Variants in CAMKK2 observed in about 807,000 individuals in gnomAD.
CAMKK2 encodes the protein calcium/calmodulin dependent protein kinase kinase 2.
In CAMKK2, 30 loss-of-function variants were observed where a neutral mutation model predicts 67.2. The ratio of observed to expected loss-of-function variants is 0.45; its 90% CI spans 0.33 to 0.61. CAMKK2 has a LOEUF of 0.61. Among genes scored for constraint, CAMKK2 ranks in the 20% least tolerant of loss-of-function variants. CAMKK2 has a pLI of 0.02. For synonymous variants in CAMKK2, 322 were observed against 326.2 expected, an observed-to-expected ratio of 0.99 and a Z score of 0.14; for missense variants, 643 against 802.0, an observed-to-expected ratio of 0.80 and a Z score of 2.39.
chr12:121,266,029 T>C (rs922801658), intron 5 of CAMKK2, among the ~76,000 whole-genome samples: 1 of 152,124 alleles, frequency 6.6e-6, no homozygotes, highest in Admixed American at 6.5e-5. Flanking sequence ...ACTCCCAGGC[T>C]CAAGGGATCC....
Position 121,244,558 on chromosome 12 carries a change from G to A in CAMKK2, c.1596+15C>T, listed in dbSNP as rs1371869640. The A allele has an allele frequency of 6.4e-7, 1 of 1,557,012 alleles. No individual in the cohort carries two copies. Among genetic ancestry groups the A allele is most frequent in the South Asian group, 1.2e-5 (1 of 84,468 alleles). ...GGCCCCAGCAGAGGCTACGGCACAGGCAGGCGGGCGTTACCTTGAGCTCAG... is the reference window on the plus strand; with the variant it reads ...GGCCCCAGCAGAGGCTACGGCACAGACAGGCGGGCGTTACCTTGAGCTCAG... On this transcript the variant is annotated intron_variant, in intron 16 of 16. Transcript: ENST00000404169.
chr12:121,289,140 G>C (rs1040830513), intron 1 of CAMKK2, among the ~76,000 whole-genome samples: 2 of 152,040 alleles, frequency 1.3e-5, no homozygotes, highest in African/African-American at 4.8e-5. Flanking sequence ...GCCCCACTCT[G>C]CCCCGTTTCC....
At chr12:121,270,512 C>G (rs892305384) in intron 3 of CAMKK2, among the ~76,000 whole-genome samples, 1 of 152,146 alleles carries the variant, frequency 6.6e-6, no homozygotes, top group African/African-American at 2.4e-5. Context: ...ATGCCTCACT[C>G]CTTTATATTA....
At chr12:121,271,001 C>G in intron 2 of CAMKK2, 56 bp from the exon 3 acceptor site, 1 of 1,445,994 alleles carries the variant, frequency 6.9e-7, no homozygotes, top group Non-Finnish European at 9.7e-7. Flanking sequence ...AACTAGAGGC[C>G]AGGCACGGTG....
intron 1 of CAMKK2, among the ~76,000 whole-genome samples, chr12:121,280,013 A>G (rs1897476477): frequency 6.6e-6 from 1 of 152,116 alleles, no homozygotes; most frequent in Non-Finnish European, 1.5e-5. Context: ...AGGTTGCCTC[A>G]TCCTGGGCAC....
intron 3 of CAMKK2, 21 bp from the exon 4 acceptor site, chr12:121,269,602 A>G (rs761424641): frequency 6.3e-7 from 1 of 1,590,214 alleles, no homozygotes; most frequent in Non-Finnish European, 8.6e-7. Flanking sequence ...GGAGATGCCC[A>G]TGACATACTA....
chr12:121,266,275 C>T (rs959057604), intron 5 of CAMKK2, among the ~76,000 whole-genome samples: 2 of 152,146 alleles, frequency 1.3e-5, no homozygotes, highest in African/African-American at 2.4e-5. Flanking sequence ...AAATAAATAT[C>T]GGTTAGGTTA....
chr12:121,294,354 G>A (rs763518720), intron 1 of CAMKK2, among the ~76,000 whole-genome samples: 12 of 152,062 alleles, frequency 7.9e-5, no homozygotes, highest in Non-Finnish European at 1.5e-4. Flanking sequence ...ACCAAAAGTC[G>A]CCCCCACACT....
chr12:121,248,720 G>C lies in CAMKK2; in HGVS notation c.1338C>G (p.Val446=), dbSNP rs1303189827. Reference sequence around the variant, plus strand: ...GCAACGGCTCCGCCCCATGCCTCGTGACCCAGGGGTGCAGCTTCAACGAAC... The same window carrying C: ...GCAACGGCTCCGCCCCATGCCTCGTCACCCAGGGGTGCAGCTTCAACGAAC... ...VVPEIKLHPW[V]TRHGAEPLPS... is the part of the protein sequence containing the mutation. The change falls in exon 14 of 17, where the codon GTC becomes GTG. Residue 446 remains valine (V), a synonymous_variant. Coordinates refer to ENST00000404169, the MANE Select transcript of CAMKK2 (RefSeq NM_001270485.2). The C allele has an allele frequency of 2.5e-6, 4 of 1,614,096 alleles. No individual in the cohort carries two copies. The highest frequency in any genetic ancestry group is 3.4e-6 in the Non-Finnish European group (4 of 1,180,004).
intron 2 of CAMKK2, among the ~76,000 whole-genome samples, chr12:121,271,989 C>A (rs996451944): frequency 1.3e-5 from 2 of 152,254 alleles, no homozygotes; most frequent in Admixed American, 1.3e-4. Flanking sequence ...GGATTACAGG[C>A]GTGAGCTACT....
chr12:121,257,405 C>T (rs1035300060), intron 7 of CAMKK2, among the ~76,000 whole-genome samples: 5 of 152,094 alleles, frequency 3.3e-5, no homozygotes, highest in African/African-American at 1.2e-4. Context: ...TGCCACCACA[C>T]CCGGCTAATT....
chr12:121,240,955 T>TTGGGCAGGGG lies in CAMKK2; in HGVS notation c.1597-87_1597-86insCCCCTGCCCA. The TTGGGCAGGGG allele has an allele frequency of 7.2e-7, 1 of 1,390,660 alleles. No individual in the cohort carries two copies. The highest frequency in any genetic ancestry group is 9.9e-7 in the Non-Finnish European group (1 of 1,005,378). 86.1% of individuals were successfully genotyped at this position (1,390,660 alleles called of 1,614,324 possible). On this transcript the variant is annotated intron_variant, in intron 16 of 16. Coordinates refer to ENST00000404169, the MANE Select transcript of CAMKK2 (RefSeq NM_001270485.2). The surrounding 1 kb of genome is among the most constrained non-coding windows in gnomAD (Gnocchi z 4.4). ...CAGCTGCTCCCACATCTGGGCCCCCTGCCCAAGTGGGCCGTCGCGCACCCC... is the reference window on the plus strand; with the variant it reads ...CAGCTGCTCCCACATCTGGGCCCCCTTGGGCAGGGGGCCCAAGTGGGCCGTCGCGCACCCC...
chr12:121,274,413 C>T lies in CAMKK2; in HGVS notation c.114G>A (p.Arg38=). Residue 38 remains arginine (R), a synonymous_variant, in exon 2 of 17, where the codon CGG becomes CGA. Transcript: ENST00000404169. ...GGTGGATGCTCAAGGATGAGAGGCC[C>T]CGCAGGGCCTCACAGGGCTTCTGGC... ...SESQKPCEAL[R]GLSSLSIHLG... 4 of 1,613,288 alleles carry T rather than the reference C, an allele frequency of 2.5e-6. No individual in the cohort carries two copies. Among genetic ancestry groups the T allele is most frequent in the Non-Finnish European group, 3.4e-6 (4 of 1,179,964 alleles).
At chr12:121,284,410 T>C (rs1593485614) in intron 1 of CAMKK2, among the ~76,000 whole-genome samples, 1 of 151,412 alleles carries the variant, frequency 6.6e-6, no homozygotes, top group East Asian at 1.9e-4. Flanking sequence ...GCGCAACCTC[T>C]GCCTCCCAGG....
intron 2 of CAMKK2, among the ~76,000 whole-genome samples, chr12:121,272,743 G>A (rs547230966): frequency 2.3e-3 from 347 of 151,100 alleles, no homozygotes; most frequent in Non-Finnish European, 4.0e-3. Context: ...GCATGGTGGT[G>A]CACACCTGTA....
intron 6 of CAMKK2, among the ~76,000 whole-genome samples, chr12:121,262,732 A>T (rs554688887): frequency 7.3e-4 from 111 of 151,824 alleles, no homozygotes; most frequent in African/African-American, 2.6e-3. Context: ...CTAATTTTTT[A>T]AATTTTTTGT....
At position 121,238,562 on chromosome 12, in the gene CAMKK2, GA is replaced by G. The variant is rs62933860; in HGVS notation, c.*2136del. The G allele has an allele frequency of 0.016, 2,337 of 145,468 alleles. 55 individuals are homozygous for G. The highest frequency in any genetic ancestry group is 0.054 in the African/African-American group (2,162 of 39,926). 9.0% of individuals were successfully genotyped at this position (145,468 alleles called of 1,614,324 possible). On this transcript the variant is annotated 3_prime_UTR_variant, in exon 17 of 17. Coordinates refer to ENST00000404169, the MANE Select transcript of CAMKK2 (RefSeq NM_001270485.2). The stretch of plus-strand genomic sequence containing the variant: ...TTTCTTTGGTGTTTCTTCATTAAAA[GA>G]AAAAAAAAAAGTCATCAATGTGGGT...
intron 1 of CAMKK2, among the ~76,000 whole-genome samples, chr12:121,292,404 C>T (rs1900232210): frequency 6.6e-6 from 1 of 152,184 alleles, no homozygotes; most frequent in African/African-American, 2.4e-5. Flanking sequence ...GCTGGGATTA[C>T]AGGCGTGAGC....
chr12:121,247,042 C>T (rs1889621093), intron 14 of CAMKK2, among the ~76,000 whole-genome samples: 2 of 152,138 alleles, frequency 1.3e-5, no homozygotes, highest in African/African-American at 4.8e-5. Context: ...AACCCATGCT[C>T]TTGGAGTAAA....
Sources: allele counts gnomAD v4.1 joint callset (sites outside exome capture counted in the v4.1 genomes callset), GRCh38; gene constraint gnomAD v4.1.1; non-coding constraint Gnocchi (gnomAD v3.1); transcripts MANE v1.5; gene names NCBI Gene and HGNC (gene_info 2026-07-23, HGNC 2026-07-21).